COL14A1: variants seen among roughly 807,000 people sequenced by gnomAD.
COL14A1 encodes collagen alpha-1(XIV) chain.
Under a neutral mutation model 230.3 loss-of-function variants are expected in COL14A1, and 136 were observed. The ratio of observed to expected loss-of-function variants is 0.59; its 90% CI spans 0.51 to 0.68. The LOEUF is 0.68. Ranked by LOEUF, COL14A1 falls within the 30% of genes least tolerant of loss-of-function variation. COL14A1 has a pLI of 0.00. For synonymous variants in COL14A1, 792 were observed against 784.1 expected, an observed-to-expected ratio of 1.01 and a Z score of -0.17; for missense variants, 1,976 against 2,215.8, an observed-to-expected ratio of 0.89 and a Z score of 2.17.
chr8:120,276,837 TA>T (rs60776239), intron 26 of COL14A1, among the ~76,000 whole-genome samples: 91 of 150,168 alleles, frequency 6.1e-4, no homozygotes, highest in African/African-American at 1.5e-3. Flanking sequence ...AGTATAATAA[TA>T]AAAAAAAATA....
rs537537907 is a variant in COL14A1 at position 120,306,998 on chromosome 8, G to A, written c.4402-3011G>A. The stretch of plus-strand genomic sequence containing the variant: ...GCTAACACAGTAGTGTAAACTATGA[G>A]GACAATAGGACATTTATTGTTTGCT... On this transcript the variant is annotated intron_variant, in intron 36 of 47. Transcript: ENST00000297848. 5.3e-5 allele frequency among the ~76,000 whole-genome samples: 8 copies of A among 152,260 alleles called. No homozygotes were observed. In the South Asian group the frequency reaches 1.5e-3, roughly 28 times the overall value.
At chr8:120,188,666 A>G (rs1336039745) in intron 5 of COL14A1, among the ~76,000 whole-genome samples, 1 of 152,206 alleles carries the variant, frequency 6.6e-6, no homozygotes, top group African/African-American at 2.4e-5. Context: ...TTTAGGTAAG[A>G]CCCATGTAAA....
intron 5 of COL14A1, among the ~76,000 whole-genome samples, chr8:120,188,793 A>G (rs956521808): frequency 6.6e-6 from 1 of 152,246 alleles, no homozygotes; most frequent in African/African-American, 2.4e-5. Context: ...ATTAATTTGG[A>G]ATATTGTCTT....
intron 34 of COL14A1, among the ~76,000 whole-genome samples, chr8:120,292,740 A>G (rs1441348040): frequency 6.6e-6 from 1 of 152,242 alleles, no homozygotes; most frequent in East Asian, 1.9e-4. Flanking sequence ...TTAGTAACTT[A>G]TAGGTCTCCA....
chr8:120,156,307 C>T (rs1815477954), intron 2 of COL14A1, among the ~76,000 whole-genome samples: 1 of 152,062 alleles, frequency 6.6e-6, no homozygotes, highest in African/African-American at 2.4e-5. Flanking sequence ...GTAGCTGGGA[C>T]TACAGGCGTG....
chr8:120,158,387 C>G (rs1208099338), intron 3 of COL14A1, 141 bp downstream of exon 3: 7 of 634,110 alleles, frequency 1.1e-5, no homozygotes, highest in Middle Eastern at 6.5e-4. Context: ...AAATCTTACC[C>G]TCTAATCAAG....
intron 42 of COL14A1, among the ~76,000 whole-genome samples, chr8:120,340,328 A>G (rs1822250667): frequency 6.6e-6 from 1 of 152,220 alleles, no homozygotes; most frequent in African/African-American, 2.4e-5. Context: ...AAGCACTACA[A>G]GTCAGGGCAT....
chr8:120,194,727 T>A (rs771339325), intron 5 of COL14A1, among the ~76,000 whole-genome samples: 7 of 152,162 alleles, frequency 4.6e-5, no homozygotes, highest in Non-Finnish European at 1.0e-4. Context: ...GGTTCCCAAT[T>A]AATTTATAAG....
chr8:120,225,094 G>A lies in COL14A1; in HGVS notation c.1744G>A (p.Val582Ile), dbSNP rs116039849. 6.2e-7 allele frequency: 1 copy of A among 1,610,386 alleles called. No individual in the cohort carries two copies. Among genetic ancestry groups the A allele is most frequent in the African/African-American group, 1.3e-5 (1 of 74,880 alleles). The change falls in exon 15 of 48, where the codon GTC becomes ATC. Residue 582 changes from valine to isoleucine, a missense_variant. Coordinates refer to ENST00000297848, the MANE Select transcript of COL14A1 (RefSeq NM_021110.4). ...TGACTTATTTCTTTGACAGGTTGAA[G>A]TCGATCCTATTACTACCTTCCCTCT... ...ADGTEINEVEVDPITTFPLKG... is the reference protein window; with the variant it reads ...ADGTEINEVEIDPITTFPLKG...
In COL14A1 at chr8:120,128,228, C is replaced by CGCGTGTGT. The variant is rs1371704696; in HGVS notation, c.-38+2889_-38+2890insCGTGTGTG. Among the ~76,000 whole-genome samples the CGCGTGTGT allele has an allele frequency of 1.2e-3, 176 of 146,784 alleles. No individual in the cohort carries two copies. The Middle Eastern group carries it at 0.049, about 41-fold the overall frequency. ...ACGTGTGTGTGTGTGTGTGCGCGCGCGTGTGTGTGTGTGTGTGTGTGTGTG... is the reference window on the plus strand; with the variant it reads ...ACGTGTGTGTGTGTGTGTGCGCGCGCGCGTGTGTGTGTGTGTGTGTGTGTGTGTGTGTG... On this transcript the variant is annotated intron_variant, in intron 1 of 47. Transcript: ENST00000297848.
chr8:120,148,072 C>A, intron 2 of COL14A1, 142 bp downstream of exon 2: 1 of 560,514 alleles, frequency 1.8e-6, no homozygotes, highest in Non-Finnish European at 3.1e-6. Flanking sequence ...ATATACACAT[C>A]TTTGATGAGG....
intron 19 of COL14A1, among the ~76,000 whole-genome samples, chr8:120,242,660 C>A (rs1267591584): frequency 6.7e-6 from 1 of 149,886 alleles, no homozygotes. Flanking sequence ...TTGTAAATAT[C>A]TCCTTCTCAG....
At chr8:120,356,098 T>C (rs1426579883) in intron 45 of COL14A1, among the ~76,000 whole-genome samples, 2 of 152,174 alleles carry the variant, frequency 1.3e-5, no homozygotes, top group African/African-American at 2.4e-5. Context: ...AACTGGAAGA[T>C]GGTAAATGCT....
chr8:120,328,041 G>A (rs953996621), intron 40 of COL14A1, among the ~76,000 whole-genome samples: 1 of 152,164 alleles, frequency 6.6e-6, no homozygotes, highest in Admixed American at 6.5e-5. Context: ...TGAGATTACA[G>A]GCATGAGCCA....
intron 5 of COL14A1, among the ~76,000 whole-genome samples, chr8:120,182,207 T>C (rs1586744410): frequency 6.6e-6 from 1 of 152,316 alleles, no homozygotes; most frequent in African/African-American, 2.4e-5. Context: ...AAAATAACTT[T>C]TAATATATCA....
intron 42 of COL14A1, among the ~76,000 whole-genome samples, 160 bp from the exon 43 acceptor site, chr8:120,341,165 G>C (rs557618597): frequency 3.9e-5 from 6 of 152,178 alleles, no homozygotes; most frequent in African/African-American, 1.4e-4. Flanking sequence ...TTTGGTGTGC[G>C]TACTGGTTGC....
chr8:120,289,612 A>T lies in COL14A1; in HGVS notation c.4082A>T (p.His1361Leu), dbSNP rs150989657. 4 of 1,613,632 alleles carry T rather than the reference A, an allele frequency of 2.5e-6. No individual in the cohort carries two copies. The highest frequency in any genetic ancestry group is 4.5e-5 in the East Asian group (2 of 44,864). Residue 1361 changes from histidine to leucine, a missense_variant, in exon 34 of 48, where the codon CAC becomes CTC. Physicochemically the swap from His to Leu is moderately conservative, Grantham distance 99. Coordinates refer to ENST00000297848, the MANE Select transcript of COL14A1 (RefSeq NM_021110.4). Reference sequence around the variant, plus strand: ...AAACATCTTACTTTTACCTAGCTACACATTGTTGTCAGTGAGACTTTGGTC... The same window carrying T: ...AAACATCTTACTTTTACCTAGCTACTCATTGTTGTCAGTGAGACTTTGGTC... Reference protein sequence around the residue: ...KIFYGSFHKLHIVVSETLVKV... With the variant: ...KIFYGSFHKLLIVVSETLVKV...
chr8:120,176,392 G>A (rs1470070494), intron 5 of COL14A1, among the ~76,000 whole-genome samples: 1 of 152,154 alleles, frequency 6.6e-6, no homozygotes, highest in African/African-American at 2.4e-5. Context: ...ATGGTTGAGT[G>A]TAGCCTGGGC....
chr8:120,131,366 CTGTTT>C (rs1814518871), intron 1 of COL14A1, among the ~76,000 whole-genome samples: 1 of 64,440 alleles, frequency 1.6e-5, no homozygotes, highest in Middle Eastern at 6.0e-3. Context: ...CTCTGCAAAT[CTGTTT>C]TTTTTTTTTT....
Sources: gnomAD v4.1 joint callset for allele counts (sites outside exome capture counted in the v4.1 genomes callset) on GRCh38, gnomAD v4.1.1 for gene constraint, MANE v1.5 for transcripts, NCBI Gene and HGNC (gene_info 2026-07-23, HGNC 2026-07-21) for gene names.